CFB: variants seen among roughly 807,000 people sequenced by gnomAD.
CFB encodes the protein B-factor, properdin.
Under a neutral mutation model 97.2 loss-of-function variants are expected in CFB, and 59 were observed. The ratio of observed to expected loss-of-function variants is 0.61; its 90% CI spans 0.49 to 0.75. The LOEUF is 0.75. Among genes scored for constraint, CFB ranks in the 30% least tolerant of loss-of-function variants. The probability of loss-of-function intolerance (pLI) is 0.00; values close to 1 mark genes in which losing one functional copy is unlikely to be tolerated. For synonymous variants in CFB, 316 were observed against 351.7 expected (o/e 0.90, Z 1.14); for missense variants, 771 against 959.8 (o/e 0.80, Z 2.60).
At chr6:31,948,342 A>G (rs1471054833) in intron 6 of CFB, 32 bp from the exon 7 acceptor site, 3 of 1,614,008 alleles carry the variant, frequency 1.9e-6, no homozygotes, top group African/African-American at 2.7e-5. Context: ...TCTATTTTCA[A>G]TGCCATGGCG....
chr6:31,947,708 C>G lies in CFB; in HGVS notation c.659-34C>G, dbSNP rs768594474. The G allele has an allele frequency of 6.8e-6, 11 of 1,607,352 alleles. No homozygotes were observed. Among genetic ancestry groups the G allele is most frequent in the Non-Finnish European group, 9.4e-6 (11 of 1,175,044 alleles). On this transcript the variant is annotated intron_variant, in intron 4 of 17. Coordinates refer to ENST00000425368, the MANE Select transcript of CFB (RefSeq NM_001710.6). This position sits in a 1 kb window ranked among gnomAD's most constrained non-coding sequence, Gnocchi z 5.3. ...CTTTGGTCACTGTATCCCTGACACT[C>G]CCAGACATTTGACCTCATTTCTGAC...
chr6:31,951,883 A>G lies in CFB; in HGVS notation c.2148A>G (p.Val716=). ...HKRSRFIQVG[V]ISWGVVDVCK... ...CCCCACTGCCTCTGCAGGTTGGTGT[A>G]ATCAGCTGGGGAGTAGTGGATGTCT... Residue 716 remains valine (V), a synonymous_variant, in exon 18 of 18, where the codon GTA becomes GTG. Coordinates refer to ENST00000425368, the MANE Select transcript of CFB (RefSeq NM_001710.6). The surrounding 1 kb of genome is among the most constrained non-coding windows in gnomAD (Gnocchi z 4.3). 1.2e-6 allele frequency: 2 copies of G among 1,613,190 alleles called. No individual in the cohort carries two copies. Among genetic ancestry groups the G allele is most frequent in the East Asian group, 2.2e-5 (1 of 44,888 alleles).
Position 31,947,569 on chromosome 6 carries a change from A to C in CFB, c.658+48A>C. On this transcript the variant is annotated intron_variant, in intron 4 of 17. Coordinates refer to ENST00000425368, the MANE Select transcript of CFB (RefSeq NM_001710.6). The surrounding 1 kb of genome is among the most constrained non-coding windows in gnomAD (Gnocchi z 5.3). ...AGGTCAGATCCTGGTCTTCCATCCT[A>C]CTGTCTTCTCTCCCCACCTCAACCC... is the stretch of plus-strand genomic sequence containing the variant. 6.2e-7 allele frequency: 1 copy of C among 1,609,578 alleles called. No individual in the cohort carries two copies. Among genetic ancestry groups the C allele is most frequent in the Non-Finnish European group, 8.5e-7 (1 of 1,177,418 alleles).
At position 31,948,920 on chromosome 6, in the gene CFB, G is replaced by C; in HGVS notation, c.1127G>C (p.Gly376Ala). The C allele has an allele frequency of 6.2e-7, 1 of 1,612,828 alleles. No homozygotes were observed. The highest frequency in any genetic ancestry group is 8.5e-7 in the Non-Finnish European group (1 of 1,179,970). Residue 376 changes from glycine (G) to alanine (A), a missense_variant, in exon 8 of 18, where the codon GGC becomes GCC. Gly to Ala is a moderately conservative substitution (Grantham distance 60). Transcript: ENST00000425368. ...MSWPDDVPPE[G>A]WNRTRHVIIL... ...TGGCCAGATGACGTCCCTCCTGAAG[G>C]CTGGAACCGCACCCGCCATGTCATC...
intron 6 of CFB, 94 bp downstream of exon 6, chr6:31,948,175 G>C: frequency 6.4e-7 from 1 of 1,559,384 alleles, no homozygotes; most frequent in Non-Finnish European, 8.7e-7. Flanking sequence ...TGAACAACAG[G>C]GCCCCAGGAA....
chr6:31,950,327 G>A lies in CFB; in HGVS notation c.1548G>A (p.Val516=), dbSNP rs553118090. ...ACGAGAGCTGTATGGGGGCTGTGGT[G>A]TCTGAGTACTTTGTGCTGACAGCAG... ...KGHESCMGAV[V]SEYFVLTAAH... is the part of the protein sequence containing the mutation. The change falls in exon 12 of 18, where the codon GTG becomes GTA. Residue 516 remains valine, a synonymous_variant. Coordinates refer to ENST00000425368, the MANE Select transcript of CFB (RefSeq NM_001710.6). 1.2e-4 allele frequency: 186 copies of A among 1,613,110 alleles called. 1 individual carries two copies. Among genetic ancestry groups the A allele is most frequent in the South Asian group, 8.9e-4 (81 of 91,084 alleles).
chr6:31,949,124 GC>G lies in CFB; in HGVS notation c.1169-116del, dbSNP rs1318900979. 2.8e-6 allele frequency: 4 copies of G among 1,425,476 alleles called. No individual in the cohort carries two copies. In the African/African-American group the frequency reaches 4.2e-5, roughly 15 times the overall value. The allele number at this position is 1,425,476 out of a possible 1,614,324, so 88.3% of individuals were successfully genotyped here. A position where few individuals can be genotyped will look rare whatever the true frequency, so the allele number is the denominator to read the frequency against. ...ACCCTTCATAAGGAATTCTTCCTAA[GC>G]CCTGTGATCAACTATCTCTAACCCT... On this transcript the variant is annotated intron_variant, in intron 8 of 17. Transcript: ENST00000425368.
chr6:31,950,702 C>T lies in CFB; in HGVS notation c.1708C>T (p.Pro570Ser), dbSNP rs1771707544. 2 of 1,613,030 alleles carry T rather than the reference C, an allele frequency of 1.2e-6. No homozygotes were observed. Among genetic ancestry groups the T allele is most frequent in the Non-Finnish European group, 1.7e-6 (2 of 1,180,030 alleles). Residue 570 changes from proline to serine, a missense_variant, in exon 13 of 18, where the codon CCT becomes TCT. Transcript: ENST00000425368. ...NINGKKEAGIPEFYDYDVALI... is the reference protein window; with the variant it reads ...NINGKKEAGISEFYDYDVALI... ...TAATGGGAAAAAAGAAGCAGGAATT[C>T]CTGAATTTTATGACTATGACGTTGC...
In CFB at chr6:31,946,941, C is replaced by T. The variant is rs1471403403; in HGVS notation, c.299-66C>T. ...TTCTCAGTGACATGGTCTCCGAGAC[C>T]AGGAGGGATACACCTAAGGCAGCCT... On this transcript the variant is annotated intron_variant, in intron 2 of 17. Transcript: ENST00000425368. This position sits in a 1 kb window ranked among gnomAD's most constrained non-coding sequence, Gnocchi z 6.4. 1.3e-6 allele frequency: 2 copies of T among 1,549,616 alleles called. No homozygotes were observed. Among genetic ancestry groups the T allele is most frequent in the African/African-American group, 1.4e-5 (1 of 73,508 alleles).
Position 31,951,725 on chromosome 6 carries a change from C to T in CFB, c.2139+121C>T, listed in dbSNP as rs762631673. On this transcript the variant is annotated intron_variant, in intron 17 of 17. Coordinates refer to ENST00000425368, the MANE Select transcript of CFB (RefSeq NM_001710.6). The surrounding 1 kb of genome is among the most constrained non-coding windows in gnomAD (Gnocchi z 4.3). The stretch of plus-strand genomic sequence containing the variant: ...GGCAGAGCCTGCCTCACCTTAGGAC[C>T]GCATGTCTTGCCTGCGTGTGTCAAG... 10 of 1,560,726 alleles carry T rather than the reference C, an allele frequency of 6.4e-6. 1 individual carries two copies. The South Asian group carries it at 6.7e-5, about 10-fold the overall frequency.
rs1291767543 is a variant in CFB, at chr6:31,946,761, A to T, written c.298+155A>T. On this transcript the variant is annotated intron_variant, in intron 2 of 17. Coordinates refer to ENST00000425368, the MANE Select transcript of CFB (RefSeq NM_001710.6). The surrounding 1 kb of genome is among the most constrained non-coding windows in gnomAD (Gnocchi z 6.4). ...GGCAGGCGGAAAGGGGGCAAGAAAA[A>T]GCGGAGTTAACCCTTACTAAGCATT... 27 of 831,880 alleles carry T rather than the reference A, an allele frequency of 3.2e-5. No homozygotes were observed. The highest frequency in any genetic ancestry group is 5.0e-5 in the African/African-American group (3 of 59,440). 51.5% of individuals were successfully genotyped at this position (831,880 alleles called of 1,614,324 possible). A position where few individuals can be genotyped will look rare whatever the true frequency, so the allele number is the denominator to read the frequency against.
At position 31,946,575 on chromosome 6, in the gene CFB, C is replaced by A. The variant is rs1025711005; in HGVS notation, c.267C>A (p.Asp89Glu). ...CCTGGAGCACCCTGAAGACTCAAGA[C>A]CAAAAGACTGTCAGGAAGGCAGAGT... ...TGSWSTLKTQ[D>E]QKTVRKAECR... Residue 89 changes from aspartate to glutamate, a missense_variant, in exon 2 of 18, where the codon GAC becomes GAA. Asp to Glu is a conservative substitution (Grantham distance 45). Transcript: ENST00000425368. This position sits in a 1 kb window ranked among gnomAD's most constrained non-coding sequence, Gnocchi z 6.4. The A allele has an allele frequency of 1.2e-6, 2 of 1,611,790 alleles. No homozygotes were observed. The highest frequency in any genetic ancestry group is 1.3e-5 in the African/African-American group (1 of 75,006).
rs571328230 is a variant in CFB at position 31,946,715 on chromosome 6, G to T, written c.298+109G>T. ...CAGGGTGACAAGGTGGGCTGACCGGGAGTAGGAGCAGTTTTAGGGTGGCAG... is the reference window on the plus strand; with the variant it reads ...CAGGGTGACAAGGTGGGCTGACCGGTAGTAGGAGCAGTTTTAGGGTGGCAG... On this transcript the variant is annotated intron_variant, in intron 2 of 17. Transcript: ENST00000425368. The surrounding 1 kb of genome is among the most constrained non-coding windows in gnomAD (Gnocchi z 6.4). The T allele has an allele frequency of 1.8e-5, 20 of 1,083,186 alleles. No homozygotes were observed. The highest frequency in any genetic ancestry group is 2.2e-5 in the Non-Finnish European group (16 of 731,180). 67.1% of individuals were successfully genotyped at this position (1,083,186 alleles called of 1,614,324 possible). A position where few individuals can be genotyped will look rare whatever the true frequency, so the allele number is the denominator to read the frequency against.
chr6:31,950,248 G>A (rs372652411), intron 11 of CFB, 38 bp from the exon 12 acceptor site: 22 of 1,608,288 alleles, frequency 1.4e-5, no homozygotes, highest in Non-Finnish European at 1.9e-5. Context: ...GGTGGTTTGT[G>A]AAAGTTGAGC....
rs1210298072 is a variant in CFB at position 31,947,645 on chromosome 6, G to C, written c.659-97G>C. On this transcript the variant is annotated intron_variant, in intron 4 of 17. Transcript: ENST00000425368. The surrounding 1 kb of genome is among the most constrained non-coding windows in gnomAD (Gnocchi z 5.3). ...CTCCCTGTACAACTATCTCACTTCT[G>C]AGCCTTTTATACCCTGGAAACCCAT... 3.2e-6 allele frequency: 5 copies of C among 1,577,248 alleles called. No homozygotes were observed. The African/African-American group carries it at 6.7e-5, about 21-fold the overall frequency.
chr6:31,950,121 C>A lies in CFB; in HGVS notation c.1480C>A (p.Pro494Thr), dbSNP rs753817700. 29 of 1,612,930 alleles carry A rather than the reference C, an allele frequency of 1.8e-5. No homozygotes were observed. Among genetic ancestry groups the A allele is most frequent in the Non-Finnish European group, 2.4e-5 (28 of 1,180,044 alleles). ...GAAGGGTACCGATTACCACAAGCAA[C>A]CATGGCAGGCCAAGATCTCAGTCAT... is the stretch of plus-strand genomic sequence containing the variant. ...HRKGTDYHKQ[P>T]WQAKISVIRP... The change falls in exon 11 of 18, where the codon CCA becomes ACA. Residue 494 changes from proline to threonine, a missense_variant. Pro to Thr is a conservative substitution (Grantham distance 38, BLOSUM62 -1). Coordinates refer to ENST00000425368, the MANE Select transcript of CFB (RefSeq NM_001710.6).
At chr6:31,948,694 G>A in intron 7 of CFB, 136 bp from the exon 8 acceptor site, 1 of 1,525,268 alleles carries the variant, frequency 6.6e-7, no homozygotes, top group Non-Finnish European at 9.0e-7. Flanking sequence ...GCCACTTTGT[G>A]GTCAAAGGGA....
Position 31,951,657 on chromosome 6 carries a change from C to T in CFB, c.2139+53C>T, listed in dbSNP as rs146107486. 1.2e-6 allele frequency: 2 copies of T among 1,611,116 alleles called. No individual in the cohort carries two copies. Among genetic ancestry groups the T allele is most frequent in the Admixed American group, 3.3e-5 (2 of 60,016 alleles). ...GATGCCAAGTGGTCAGCATGGGCCC[C>T]AAAGCAGGAAAGCTCAATGCATGTG... On this transcript the variant is annotated intron_variant, in intron 17 of 17. Coordinates refer to ENST00000425368, the MANE Select transcript of CFB (RefSeq NM_001710.6). The surrounding 1 kb of genome is among the most constrained non-coding windows in gnomAD (Gnocchi z 4.3).
At position 31,947,900 on chromosome 6, in the gene CFB, C is replaced by G. The variant is rs905078838; in HGVS notation, c.761-45C>G. ...GAACTGGGGGAAAATGGAGAAGGGA[C>G]AGAACTGTTAATGCTGGAGCCTGAG... On this transcript the variant is annotated intron_variant, in intron 5 of 17. Transcript: ENST00000425368. The surrounding 1 kb of genome is among the most constrained non-coding windows in gnomAD (Gnocchi z 5.3). 1.2e-6 allele frequency: 2 copies of G among 1,614,144 alleles called. No homozygotes were observed. The highest frequency in any genetic ancestry group is 1.7e-6 in the Non-Finnish European group (2 of 1,180,026).
Sources: gnomAD v4.1 joint callset for allele counts on GRCh38, gnomAD v4.1.1 for gene constraint, Gnocchi (gnomAD v3.1) non-coding constraint, MANE v1.5 for transcripts, NCBI Gene and HGNC (gene_info 2026-07-23, HGNC 2026-07-21) for gene names.